The following SND1 variants were observed in gnomAD, a reference collection of about 807,000 sequenced individuals.
SND1 encodes staphylococcal nuclease domain-containing protein 1.
Under a neutral mutation model 121.7 loss-of-function variants are expected in SND1, and 38 were observed. The observed-to-expected ratio is 0.31, with a 90% CI of 0.24 to 0.41. The LOEUF (loss-of-function observed/expected upper bound fraction) is 0.41, where lower values mean the gene tolerates loss of function less well. SND1 is among the 10% of genes least tolerant of loss of function. SND1 has a pLI of 1.00. For synonymous variants in SND1, 401 were observed against 447.4 expected, an observed-to-expected ratio of 0.90 and a Z score of 1.31; for missense variants, 868 against 1,184.6, an observed-to-expected ratio of 0.73 and a Z score of 3.92.
rs1484683634 is a variant in SND1 at position 127,844,386 on chromosome 7, T to C, written c.1305T>C (p.Phe435=). ...CAGCCACAGAGACAGTGCCTGCCTT[T>C]TCAGAGCGTACCTGTGCCACTGTCA... The part of the protein sequence containing the change: ...ASPATETVPA[F]SERTCATVTI... Residue 435 remains phenylalanine, a synonymous_variant, in exon 12 of 24, where the codon TTT becomes TTC. Transcript: ENST00000354725. The C allele has an allele frequency of 6.2e-7, 1 of 1,613,684 alleles. No individual in the cohort carries two copies. Among genetic ancestry groups the C allele is most frequent in the East Asian group, 2.2e-5 (1 of 44,880 alleles).
intron 16 of SND1, chr7:127,997,565 T>C (rs1043070394): frequency 7.4e-6 from 3 of 406,914 alleles, no homozygotes; most frequent in African/African-American, 4.2e-5. Context: ...TATATTCCTA[T>C]ATCTAATGTT....
chr7:127,688,754 T>C (rs1341684074), intron 2 of SND1, among the ~76,000 whole-genome samples: 1 of 151,784 alleles, frequency 6.6e-6, no homozygotes, highest in Non-Finnish European at 1.5e-5. Context: ...AAGCAAAATT[T>C]CTGGATTCCA....
intron 1 of SND1, among the ~76,000 whole-genome samples, chr7:127,680,136 A>G (rs1045358945): frequency 2.6e-5 from 4 of 152,170 alleles, no homozygotes; most frequent in African/African-American, 9.7e-5. Flanking sequence ...GCAAGTTTTT[A>G]TTAGGGATTT....
At chr7:127,654,805 G>T (rs1240696797) in intron 1 of SND1, among the ~76,000 whole-genome samples, 1 of 152,214 alleles carries the variant, frequency 6.6e-6, no homozygotes, top group African/African-American at 2.4e-5. Flanking sequence ...GGAAAGCTGA[G>T]TGAACTGCAG....
rs1793060823 is a variant in SND1 at position 128,052,359 on chromosome 7, A to AT, written c.1780-22142dup. Among the ~76,000 whole-genome samples, 1 of 152,188 alleles carries AT rather than the reference A, an allele frequency of 6.6e-6. No homozygotes were observed. The highest frequency in any genetic ancestry group is 2.4e-5 in the African/African-American group (1 of 41,446). Reference sequence around the variant, plus strand: ...AAGCTCCCATTCTGGCAGCTTGTCCATCAAGGTTGGATCTGTCTCTCCTCC... The same window carrying AT: ...AAGCTCCCATTCTGGCAGCTTGTCCATTCAAGGTTGGATCTGTCTCTCCTCC... On this transcript the variant is annotated intron_variant, in intron 16 of 23. Coordinates refer to ENST00000354725, the MANE Select transcript of SND1 (RefSeq NM_014390.4). The surrounding 1 kb of genome is among the most constrained non-coding windows in gnomAD (Gnocchi z 4.6).
chr7:127,755,751 G>A (rs892557814), intron 10 of SND1, among the ~76,000 whole-genome samples: 8 of 152,206 alleles, frequency 5.3e-5, no homozygotes, highest in African/African-American at 1.7e-4. Context: ...CTCCCTGTAG[G>A]ATAATGAATT....
chr7:127,998,269 T>C (rs973424164), intron 16 of SND1: 3 of 262,146 alleles, frequency 1.1e-5, no homozygotes, highest in Non-Finnish European at 2.3e-5. Context: ...ACTGGACACA[T>C]GGCTGCTAAT....
chr7:127,761,032 C>T (rs1797296886), intron 10 of SND1, among the ~76,000 whole-genome samples: 1 of 152,198 alleles, frequency 6.6e-6, no homozygotes, highest in South Asian at 2.1e-4. Flanking sequence ...TGGTATATTG[C>T]TCTCCATATA....
intron 16 of SND1, among the ~76,000 whole-genome samples, chr7:127,992,882 A>C (rs1040099420): frequency 6.6e-6 from 1 of 152,162 alleles, no homozygotes; most frequent in Admixed American, 6.5e-5. Flanking sequence ...CTAATACCTG[A>C]CTGTTGAAAA....
intron 18 of SND1, 93 bp from the exon 19 acceptor site, chr7:128,084,631 T>G: frequency 2.2e-6 from 3 of 1,391,524 alleles, no homozygotes; most frequent in Non-Finnish European, 2.9e-6. Context: ...GAATTTTACA[T>G]TGAGCTCCCT....
intron 16 of SND1, among the ~76,000 whole-genome samples, chr7:128,032,285 CCTTCCTCCTCT>C (rs1435099352): frequency 1.3e-5 from 2 of 151,190 alleles, no homozygotes; most frequent in Admixed American, 1.3e-4. Flanking sequence ...TTTCCTCCTT[CCTTCCTCCTCT>C]CTTCCTCTCT....
intron 15 of SND1, among the ~76,000 whole-genome samples, chr7:127,983,684 G>GTATTGAA (rs1435558374): frequency 1.1e-4 from 16 of 151,830 alleles, no homozygotes; most frequent in African/African-American, 3.9e-4. Context: ...TAAAGCAGAG[G>GTATTGAA]TATTGAATAT....
intron 10 of SND1, among the ~76,000 whole-genome samples, chr7:127,783,815 G>A (rs374746412): frequency 9.9e-5 from 15 of 152,236 alleles, no homozygotes; most frequent in African/African-American, 3.6e-4. Flanking sequence ...TAGTTTGGTG[G>A]CAACTTTGGT....
Position 127,686,730 on chromosome 7 carries a change from A to T in SND1, c.196A>T (p.Thr66Ser), listed in dbSNP as rs1200433595. The change falls in exon 2 of 24, where the codon ACA (threonine) becomes TCA (serine). Residue 66 changes from threonine (T) to serine (S), a missense_variant. By Grantham distance (58) the Thr-to-Ser change is moderately conservative. This residue lies in a region of SND1 where 125 missense variants were observed against 113.3 expected (regional missense o/e 1.10). Coordinates refer to ENST00000354725, the MANE Select transcript of SND1 (RefSeq NM_014390.4). Reference sequence around the variant, plus strand: ...AAATCTTGCTCGCCGGGCAGCCGCCACACAACCTGATGCAAAGGATACCCC... The same window carrying T: ...AAATCTTGCTCGCCGGGCAGCCGCCTCACAACCTGATGCAAAGGATACCCC... ...AGNLARRAAA[T>S]QPDAKDTPDE... 1.2e-6 allele frequency: 2 copies of T among 1,614,192 alleles called. No individual in the cohort carries two copies. The highest frequency in any genetic ancestry group is 1.3e-5 in the African/African-American group (1 of 75,052).
intron 15 of SND1, among the ~76,000 whole-genome samples, chr7:127,962,217 T>TG (rs1801749273): frequency 6.6e-6 from 1 of 152,182 alleles, no homozygotes; most frequent in Admixed American, 6.5e-5. Context: ...GGAAAGGGAA[T>TG]GAATATAGTC....
chr7:128,014,845 C>T (rs1803193487), intron 16 of SND1, among the ~76,000 whole-genome samples: 2 of 152,150 alleles, frequency 1.3e-5, no homozygotes, highest in Admixed American at 1.3e-4. Context: ...TCCCTGTATC[C>T]ATCCCACCAG....
intron 11 of SND1, among the ~76,000 whole-genome samples, chr7:127,817,598 A>G (rs1798467897): frequency 6.6e-6 from 1 of 152,178 alleles, no homozygotes; most frequent in African/African-American, 2.4e-5. Context: ...TGTAACTTCA[A>G]GTGAGCATCT....
chr7:127,850,921 C>T (rs1194785104), intron 12 of SND1, among the ~76,000 whole-genome samples: 1 of 152,182 alleles, frequency 6.6e-6, no homozygotes, highest in Non-Finnish European at 1.5e-5. Flanking sequence ...TCCCATAAAA[C>T]ACTATAAGAA....
intron 15 of SND1, among the ~76,000 whole-genome samples, chr7:127,963,167 A>AG (rs1044384046): frequency 1.3e-5 from 2 of 152,124 alleles, no homozygotes; most frequent in Non-Finnish European, 2.9e-5. Flanking sequence ...AAGCATGGGC[A>AG]GGGTGCAGCA....
Sources: gnomAD v4.1 joint callset for allele counts (sites outside exome capture counted in the v4.1 genomes callset) on GRCh38, gnomAD v4.1.1 for gene constraint, gnomAD v4.1.1 regional missense constraint, Gnocchi (gnomAD v3.1) non-coding constraint, MANE v1.5 for transcripts, NCBI Gene and HGNC (gene_info 2026-07-23, HGNC 2026-07-21) for gene names.